The following CEP70 variants were observed in gnomAD, a reference collection of about 807,000 sequenced individuals.
The protein encoded by CEP70 is centrosomal protein 70, also known as centrosomal protein of 70 kDa.
Under a neutral mutation model 90.9 loss-of-function variants are expected in CEP70, and 70 were observed. The ratio of observed to expected loss-of-function variants is 0.77; its 90% confidence interval spans 0.64 to 0.94. The LOEUF (loss-of-function observed/expected upper bound fraction) is 0.94, where lower values mean the gene tolerates loss of function less well. Among genes scored for constraint, CEP70 ranks in the 40% least tolerant of loss-of-function variants. The pLI, the probability that CEP70 is intolerant of heterozygous loss-of-function variation, is 0.00. For synonymous variants in CEP70, 220 were observed against 228.3 expected (o/e 0.96, Z 0.33); for missense variants, 648 against 669.0 (o/e 0.97, Z 0.35).
chr3:138,549,314 G>A (rs978226962), intron 6 of CEP70, among the ~76,000 whole-genome samples: 1 of 151,828 alleles, frequency 6.6e-6, no homozygotes, highest in Non-Finnish European at 1.5e-5. Flanking sequence ...CAAATTCTCA[G>A]CTCTGCTCAC....
chr3:138,532,449 C>T, intron 8 of CEP70, 65 bp downstream of exon 8: 1 of 1,359,170 alleles, frequency 7.4e-7, no homozygotes, highest in Non-Finnish European at 9.7e-7. Flanking sequence ...TCAAAAGCTA[C>T]AGAAACTTCT....
chr3:138,517,160 C>G (rs1320361662), intron 11 of CEP70, among the ~76,000 whole-genome samples: 1 of 152,166 alleles, frequency 6.6e-6, no homozygotes, highest in Non-Finnish European at 1.5e-5. Context: ...CCATTACTTC[C>G]CAAGATAATT....
chr3:138,574,025 G>C (rs543715083), intron 2 of CEP70, among the ~76,000 whole-genome samples: 32 of 152,274 alleles, frequency 2.1e-4, no homozygotes, highest in African/African-American at 7.5e-4. Context: ...CAGTGTGACT[G>C]ATGCAGAAGA....
At position 138,500,618 on chromosome 3, in the gene CEP70, C is replaced by T. The variant is rs371594314; in HGVS notation, c.1369-51G>A. ...AAGAGTTCATTATCTTAAAATAATC[C>T]CAAATAAAAACTTTTAAAAGACAAA... On this transcript the variant is annotated intron_variant, in intron 14 of 17. Coordinates refer to ENST00000264982, the MANE Select transcript of CEP70 (RefSeq NM_024491.4). The T allele has an allele frequency of 3.5e-5, 53 of 1,525,580 alleles. 1 individual carries two copies. In the East Asian group the frequency reaches 5.0e-4, roughly 14 times the overall value. 94.5% of individuals were successfully genotyped at this position (1,525,580 alleles called of 1,614,324 possible).
At chr3:138,522,951 T>G (rs1479956760) in intron 11 of CEP70, among the ~76,000 whole-genome samples, 1 of 152,192 alleles carries the variant, frequency 6.6e-6, no homozygotes, top group Non-Finnish European at 1.5e-5. Context: ...ATATCCCTGA[T>G]GAACATCGAT....
intron 11 of CEP70, among the ~76,000 whole-genome samples, chr3:138,512,037 A>G (rs2035583452): frequency 6.6e-6 from 1 of 152,226 alleles, no homozygotes; most frequent in Non-Finnish European, 1.5e-5. Context: ...GTTAAGTTGG[A>G]CAGATCAAGC....
intron 11 of CEP70, among the ~76,000 whole-genome samples, chr3:138,517,283 G>T (rs577099144): frequency 6.6e-6 from 1 of 152,150 alleles, no homozygotes; most frequent in African/African-American, 2.4e-5. Flanking sequence ...TGTGAAACCA[G>T]AAACACCCCC....
chr3:138,576,808 C>T (rs148736240), intron 2 of CEP70, among the ~76,000 whole-genome samples: 1 of 152,194 alleles, frequency 6.6e-6, no homozygotes, highest in African/African-American at 2.4e-5. Flanking sequence ...TCACTCAAAA[C>T]CGCACAACTA....
Position 138,505,380 on chromosome 3 carries a change from A to G in CEP70, c.1136T>C (p.Phe379Ser). The change falls in exon 13 of 18, where the codon TTT becomes TCT. Residue 379 changes from phenylalanine to serine, a missense_variant. Transcript: ENST00000264982. ...ACAATCTTGAACAAGATCTTTATTA[A>G]AATTTTGGACTCCCCCTTTGGTCTG... The part of the protein sequence containing the change: ...YKQTKGGVQN[F>S]NKDLVQDCGF... The G allele has an allele frequency of 3.1e-6, 5 of 1,612,686 alleles. No homozygotes were observed. The highest frequency in any genetic ancestry group is 4.2e-6 in the Non-Finnish European group (5 of 1,179,472).
rs769969962 is a variant in CEP70, at chr3:138,572,929, G to C, written c.-2C>G. ...GGGTTTAGGGGCTACCGGAAACATA[G>C]TTACTTTTGTAGAATCAAAAGAAAC... is the stretch of plus-strand genomic sequence containing the variant. On this transcript the variant is annotated 5_prime_UTR_variant, in exon 3 of 18. Transcript: ENST00000264982. 122 of 1,607,128 alleles carry C rather than the reference G, an allele frequency of 7.6e-5. 1 individual carries two copies. In the South Asian group the frequency reaches 1.3e-3, roughly 17 times the overall value.
At chr3:138,497,566 G>A in intron 17 of CEP70, 1 of 956,062 alleles carries the variant, frequency 1.0e-6, no homozygotes, top group Non-Finnish European at 1.2e-6. Context: ...CAGTATAAGT[G>A]TAATATTTCA....
At chr3:138,556,632 A>C (rs576005972) in intron 6 of CEP70, among the ~76,000 whole-genome samples, 6 of 152,032 alleles carry the variant, frequency 3.9e-5, no homozygotes, top group African/African-American at 1.4e-4. Context: ...TGAGAAATAA[A>C]GGGACAGAGT....
Position 138,568,272 on chromosome 3 carries a change from A to G in CEP70, c.465+2046T>C, listed in dbSNP as rs1055040649. On this transcript the variant is annotated intron_variant, in intron 6 of 17. Transcript: ENST00000264982. The stretch of plus-strand genomic sequence containing the variant: ...CAGATGAAACTATTTGATAGAAAAT[A>G]CATGGCATTACATTCAAGTCACCCC... Among the ~76,000 whole-genome samples, 3 of 152,368 alleles carry G rather than the reference A, an allele frequency of 2.0e-5. No individual in the cohort carries two copies. In the East Asian group the frequency reaches 5.8e-4, roughly 29 times the overall value.
rs1487034739 is a variant in CEP70 at position 138,585,806 on chromosome 3, A to G, written c.-6+6048T>C. 3.9e-5 allele frequency among the ~76,000 whole-genome samples: 6 copies of G among 152,216 alleles called. 1 individual carries two copies. Among genetic ancestry groups the G allele is most frequent in the African/African-American group, 4.8e-5 (2 of 41,462 alleles). ...CATTGGGGAAAGAAAAGTCTCTTCA[A>G]TGAATGGTGCTGGGATATCCATATG... On this transcript the variant is annotated intron_variant, in intron 2 of 17. Transcript: ENST00000264982.
intron 6 of CEP70, among the ~76,000 whole-genome samples, chr3:138,562,914 T>C (rs1213928453): frequency 6.6e-6 from 1 of 152,026 alleles, no homozygotes; most frequent in Non-Finnish European, 1.5e-5. Flanking sequence ...ATTGGCAAAT[T>C]AGATAGAGTC....
intron 6 of CEP70, among the ~76,000 whole-genome samples, chr3:138,548,758 T>A (rs1445850289): frequency 6.6e-6 from 1 of 152,190 alleles, no homozygotes; most frequent in Non-Finnish European, 1.5e-5. Context: ...GAGACTCACA[T>A]CATGAACTTT....
intron 6 of CEP70, among the ~76,000 whole-genome samples, chr3:138,556,592 T>A (rs570941460): frequency 7.3e-5 from 11 of 151,498 alleles, no homozygotes; most frequent in African/African-American, 2.4e-4. Flanking sequence ...ACGTAAGTTC[T>A]TTTCTATTTT....
chr3:138,578,591 G>A (rs1448398604), intron 2 of CEP70, among the ~76,000 whole-genome samples: 1 of 151,646 alleles, frequency 6.6e-6, no homozygotes, highest in East Asian at 1.9e-4. Context: ...AAGAGAGAAG[G>A]GAAGATCCAC....
chr3:138,530,078 G>C (rs1247603201), intron 8 of CEP70, among the ~76,000 whole-genome samples: 1 of 152,168 alleles, frequency 6.6e-6, no homozygotes, highest in Non-Finnish European at 1.5e-5. Flanking sequence ...GAAGGACTCT[G>C]TGAAATGCAA....
Sources: allele counts gnomAD v4.1 joint callset (sites outside exome capture counted in the v4.1 genomes callset), GRCh38; gene constraint gnomAD v4.1.1; transcripts MANE v1.5; gene names NCBI Gene and HGNC (gene_info 2026-07-23, HGNC 2026-07-21).